ACSF3: variants seen among roughly 807,000 people sequenced by gnomAD.
ACSF3 encodes the protein acyl-CoA synthetase family member 3, also known as malonate--CoA ligase ACSF3, mitochondrial.
In ACSF3, 78 loss-of-function variants were observed where a neutral mutation model predicts 53.2. That is an observed-to-expected ratio of 1.47 (90% CI 1.22 to 1.77). The LOEUF is 1.77. Among genes scored for constraint, ACSF3 ranks in the 40% most tolerant of loss-of-function variants. The pLI, the probability that ACSF3 is intolerant of heterozygous loss-of-function variation, is 0.00. For missense variants in ACSF3, 937 were observed against 771.1 expected, an observed-to-expected ratio of 1.22 and a Z score of -2.55; for synonymous variants, 414 against 333.1, an observed-to-expected ratio of 1.24 and a Z score of -2.65.
chr16:89,093,997 G>C lies in ACSF3; in HGVS notation c.-194+1G>C, dbSNP rs1378422743. ...CCCCGTGGCCGCGGCCGTCTCGTAG[G>C]TGCGGGCGGCGGGGCCCACGGGACC... On this transcript the variant is annotated splice_donor_variant, in intron 1 of 10. Coordinates refer to ENST00000614302, the MANE Select transcript of ACSF3 (RefSeq NM_001243279.3). LOFTEE classifies it low-confidence loss of function (5UTR_SPLICE). 5.0e-6 allele frequency: 1 copy of C among 198,334 alleles called. No homozygotes were observed. The highest frequency in any genetic ancestry group is 1.1e-5 in the Non-Finnish European group (1 of 92,528). The allele number at this position is 198,334 out of a possible 1,614,324, so 12.3% of individuals were successfully genotyped here.
intron 8 of ACSF3, among the ~76,000 whole-genome samples, chr16:89,142,334 C>G (rs752064093): frequency 1.3e-5 from 2 of 152,186 alleles, no homozygotes; most frequent in Non-Finnish European, 2.9e-5. Context: ...CCAAACAAGG[C>G]CTACAGCAGG....
chr16:89,150,953 G>C, intron 10 of ACSF3: 1 of 1,273,828 alleles, frequency 7.9e-7, no homozygotes, highest in Non-Finnish European at 1.0e-6. Flanking sequence ...TGTCTAATGG[G>C]AGTTCCAACA....
At chr16:89,140,462 C>A (rs1168113190) in intron 8 of ACSF3, among the ~76,000 whole-genome samples, 1 of 152,218 alleles carries the variant, frequency 6.6e-6, no homozygotes. Context: ...TGGGCAGGGC[C>A]TTGGGCTTCC....
intron 9 of ACSF3, 114 bp downstream of exon 9, chr16:89,145,515 C>A: frequency 7.8e-7 from 1 of 1,288,866 alleles, no homozygotes; most frequent in Non-Finnish European, 1.1e-6. Context: ...TGCAGGGGTC[C>A]CTGTGATGCT....
intron 7 of ACSF3, among the ~76,000 whole-genome samples, chr16:89,131,212 CA>C (rs1242480499): frequency 1.4e-5 from 2 of 139,346 alleles, no homozygotes; most frequent in Non-Finnish European, 1.5e-5. Context: ...TGGTTCACTG[CA>C]ATCTCCACCT....
At chr16:89,102,261 C>T (rs1975434220) in intron 3 of ACSF3, 2 of 389,002 alleles carry the variant, frequency 5.1e-6, no homozygotes, top group Non-Finnish European at 9.8e-6. Flanking sequence ...TCGATTCCAG[C>T]CTGAATGGCG....
Position 89,100,995 on chromosome 16 carries a change from A to G in ACSF3, c.314A>G (p.Asp105Gly), listed in dbSNP as rs746787960. ...AGGGTCTCCTTCCTATGCGCTAACG[A>G]TGCCTCCTACGTCGTGGCCCAGTGG... Reference protein sequence around the residue: ...EERVSFLCANDASYVVAQWAS... With the variant: ...EERVSFLCANGASYVVAQWAS... The change falls in exon 3 of 11, where the codon GAT becomes GGT. Residue 105 changes from aspartate (D) to glycine (G), a missense_variant. Transcript: ENST00000614302. 2 of 1,613,482 alleles carry G rather than the reference A, an allele frequency of 1.2e-6. No individual in the cohort carries two copies. The highest frequency in any genetic ancestry group is 1.7e-6 in the Non-Finnish European group (2 of 1,179,688).
intron 6 of ACSF3, among the ~76,000 whole-genome samples, chr16:89,118,295 C>T (rs973820937): frequency 6.7e-6 from 1 of 149,780 alleles, no homozygotes; most frequent in Admixed American, 6.7e-5. Flanking sequence ...TTTATCCTTG[C>T]CTTTAAATCA....
chr16:89,142,638 C>T (rs1912043850), intron 8 of ACSF3, among the ~76,000 whole-genome samples: 1 of 150,374 alleles, frequency 6.7e-6, no homozygotes, highest in Admixed American at 6.6e-5. Flanking sequence ...CCTACACCTG[C>T]AGGCACACCC....
Position 89,100,650 on chromosome 16 carries a change from G to C in ACSF3, c.-20-12G>C, listed in dbSNP as rs748533635. The C allele has an allele frequency of 1.2e-5, 5 of 421,256 alleles. No individual in the cohort carries two copies. The African/African-American group carries it at 1.5e-4, about 13-fold the overall frequency. The allele number at this position is 421,256 out of a possible 1,614,324, so 26.1% of individuals were successfully genotyped here. On this transcript the variant is annotated splice_polypyrimidine_tract_variant and intron_variant, in intron 2 of 10. Transcript: ENST00000614302. ...GTTGGGCACTCACGTCCTGTGCCTT[G>C]CCTTTCTCCAGCTCGGCCGCCTGTC...
chr16:89,102,790 C>T (rs750046023), intron 4 of ACSF3, 31 bp downstream of exon 4: 3 of 1,583,494 alleles, frequency 1.9e-6, no homozygotes, highest in South Asian at 1.1e-5. Context: ...TCGGTTGCAC[C>T]CTCAGACTAG....
chr16:89,109,247 AAAAG>A (rs1976394821), intron 4 of ACSF3, among the ~76,000 whole-genome samples: 2 of 99,412 alleles, frequency 2.0e-5, no homozygotes. Flanking sequence ...AAAAAAAAAA[AAAAG>A]AAAAGAAAAG....
intron 7 of ACSF3, 144 bp downstream of exon 7, chr16:89,121,057 G>C: frequency 1.4e-6 from 1 of 710,088 alleles, no homozygotes; most frequent in Non-Finnish European, 2.4e-6. Context: ...GGTGCTGGCT[G>C]GTGTTGCAAG....
chr16:89,103,566 C>T (rs753341224), intron 4 of ACSF3, among the ~76,000 whole-genome samples: 28 of 152,256 alleles, frequency 1.8e-4, no homozygotes, highest in African/African-American at 5.8e-4. Flanking sequence ...TGAGGTCCTT[C>T]GCTTCATCCA....
intron 7 of ACSF3, among the ~76,000 whole-genome samples, chr16:89,124,538 A>C (rs999453861): frequency 7.1e-6 from 1 of 139,956 alleles, no homozygotes; most frequent in African/African-American, 2.6e-5. Flanking sequence ...TGTGTTACCC[A>C]TCTGCTCACT....
Position 89,114,451 on chromosome 16 carries a change from C to G in ACSF3, c.1090C>G (p.Leu364Val). 5 of 1,613,342 alleles carry G rather than the reference C, an allele frequency of 3.1e-6. No homozygotes were observed. The highest frequency in any genetic ancestry group is 1.3e-5 in the African/African-American group (1 of 75,048). ...TGGCATGACCGAGATCGGCATGGCT[C>G]TGTCCGGGCCCCTGACCACTGCCGT... ...RYGMTEIGMA[L>V]SGPLTTAVRL... The change falls in exon 6 of 11, where the codon CTG becomes GTG. Residue 364 changes from leucine (L) to valine (V), a missense_variant. Physicochemically the swap from Leu to Val is conservative, Grantham distance 32. Transcript: ENST00000614302.
At chr16:89,098,023 G>GC (rs1974822874) in intron 1 of ACSF3, among the ~76,000 whole-genome samples, 1 of 151,902 alleles carries the variant, frequency 6.6e-6, no homozygotes, top group African/African-American at 2.4e-5. Flanking sequence ...GCAGTGAGCC[G>GC]AGATCGTGCC....
At chr16:89,109,576 T>A (rs1451327990) in intron 4 of ACSF3, among the ~76,000 whole-genome samples, 2 of 151,850 alleles carry the variant, frequency 1.3e-5, no homozygotes. Context: ...CAGGTCCAGC[T>A]AATTTTTTGT....
At chr16:89,100,569 G>T in intron 2 of ACSF3, 93 bp from the exon 3 acceptor site, 2 of 1,262,132 alleles carry the variant, frequency 1.6e-6, no homozygotes, top group East Asian at 2.5e-5. Flanking sequence ...AGGCGTACCT[G>T]GCTGGGTACT....
Sources: gnomAD v4.1 joint callset for allele counts (sites outside exome capture counted in the v4.1 genomes callset) on GRCh38, gnomAD v4.1.1 for gene constraint, MANE v1.5 for transcripts, NCBI Gene and HGNC (gene_info 2026-07-23, HGNC 2026-07-21) for gene names.